FNIP1: variants seen among roughly 807,000 people sequenced by gnomAD.
FNIP1 encodes folliculin interacting protein 1.
In FNIP1, 40 loss-of-function variants were observed where a neutral mutation model predicts 124.5. The observed-to-expected ratio is 0.32, with a 90% CI of 0.25 to 0.42. The LOEUF is 0.42. Ranked by LOEUF, FNIP1 falls within the 10% of genes least tolerant of loss-of-function variation. The probability of loss-of-function intolerance (pLI) is 1.00; values close to 1 mark genes in which losing one functional copy is unlikely to be tolerated. For synonymous variants in FNIP1, 472 were observed against 470.6 expected, an observed-to-expected ratio of 1.00 and a Z score of -0.04; for missense variants, 1,176 against 1,403.7, an observed-to-expected ratio of 0.84 and a Z score of 2.59.
intron 11 of FNIP1, among the ~76,000 whole-genome samples, chr5:131,692,579 A>C (rs1441600750): frequency 1.3e-5 from 2 of 152,224 alleles, no homozygotes; most frequent in Non-Finnish European, 2.9e-5. Context: ...GAAACAAAAA[A>C]GACCCAGAAT....
chr5:131,785,176 A>ATATATATGATATATATGACTATATATATG (rs1554100753), intron 1 of FNIP1, among the ~76,000 whole-genome samples: 6 of 86,750 alleles, frequency 6.9e-5, no homozygotes, highest in African/African-American at 1.4e-4. Flanking sequence ...CTATATATAT[A>ATATATATGATATATATGACTATATATATG]TCATATATAT....
At chr5:131,760,586 GA>G (rs1446631289) in intron 1 of FNIP1, among the ~76,000 whole-genome samples, 1 of 152,036 alleles carries the variant, frequency 6.6e-6, no homozygotes, top group Non-Finnish European at 1.5e-5. Context: ...CAAACATGAA[GA>G]TTTTTTTAGT....
intron 3 of FNIP1, among the ~76,000 whole-genome samples, chr5:131,722,781 G>A (rs972619917): frequency 6.6e-6 from 1 of 152,188 alleles, no homozygotes; most frequent in African/African-American, 2.4e-5. Flanking sequence ...CGCCTCCTGG[G>A]TTCAAGCAAT....
intron 15 of FNIP1, among the ~76,000 whole-genome samples, chr5:131,657,747 A>C (rs940660821): frequency 1.3e-5 from 2 of 150,762 alleles, no homozygotes; most frequent in Admixed American, 6.6e-5. Flanking sequence ...AAAAAAAAAA[A>C]AAAAAAAAAA....
At chr5:131,774,335 C>G (rs2149579554) in intron 1 of FNIP1, among the ~76,000 whole-genome samples, 1 of 152,268 alleles carries the variant, frequency 6.6e-6, no homozygotes, top group South Asian at 2.1e-4. Flanking sequence ...GCCTCCTTTG[C>G]ATTTTTAAAA....
intron 7 of FNIP1, 77 bp from the exon 8 acceptor site, chr5:131,709,349 A>G: frequency 8.0e-7 from 1 of 1,243,000 alleles, no homozygotes; most frequent in Non-Finnish European, 1.2e-6. Flanking sequence ...TTAAATAGCA[A>G]ACGAAATCAT....
At position 131,654,142 on chromosome 5, in the gene FNIP1, G is replaced by A. The variant is rs191916468; in HGVS notation, c.3109-2143C>T. The stretch of plus-strand genomic sequence containing the variant: ...CTCATATATACATAGTCATGAAAGA[G>A]CCACAAGGCATATGGCTATGTCCTT... On this transcript the variant is annotated intron_variant, in intron 15 of 17. Coordinates refer to ENST00000510461, the MANE Select transcript of FNIP1 (RefSeq NM_133372.3). Among the ~76,000 whole-genome samples, 315 of 152,358 alleles carry A rather than the reference G, an allele frequency of 2.1e-3. 1 individual carries two copies. The highest frequency in any genetic ancestry group is 7.2e-3 in the African/African-American group (299 of 41,576).
intron 2 of FNIP1, among the ~76,000 whole-genome samples, chr5:131,738,427 T>C (rs553326556): frequency 6.6e-6 from 1 of 152,130 alleles, no homozygotes; most frequent in Non-Finnish European, 1.5e-5. Context: ...ATCATGCAAG[T>C]TGAAAAAAAA....
chr5:131,744,568 A>T lies in FNIP1; in HGVS notation c.215T>A (p.Val72Glu). The change falls in exon 2 of 18, where the codon GTA (valine) becomes GAA (glutamate). Residue 72 changes from valine (V) to glutamate (E), a missense_variant. By Grantham distance (121) the Val-to-Glu change is moderately radical (BLOSUM62 -2). This residue lies in a region of FNIP1 where 1,109 missense variants were observed against 1,288.5 expected (regional missense o/e 0.86). Transcript: ENST00000510461. ...SVKRRNEDISVSKLGSDAQVK... is the reference protein window; with the variant it reads ...SVKRRNEDISESKLGSDAQVK... ...CAAATCAATAATGATGCTCACCGAT[A>T]CTGATATGTCCTCATTTCTTCTCTT... The T allele has an allele frequency of 1.3e-6, 2 of 1,591,400 alleles. No homozygotes were observed. The highest frequency in any genetic ancestry group is 1.7e-6 in the Non-Finnish European group (2 of 1,168,570).
At chr5:131,729,892 T>C (rs1347193163) in intron 3 of FNIP1, among the ~76,000 whole-genome samples, 1 of 152,076 alleles carries the variant, frequency 6.6e-6, no homozygotes, top group Non-Finnish European at 1.5e-5. Context: ...ATTACAGGCA[T>C]GTGCCACCAT....
chr5:131,755,585 A>G (rs1310546564), intron 1 of FNIP1, among the ~76,000 whole-genome samples: 1 of 152,192 alleles, frequency 6.6e-6, no homozygotes, highest in Non-Finnish European at 1.5e-5. Context: ...AAGAACTAAT[A>G]AACTAGAATT....
chr5:131,738,962 C>A (rs751706529), intron 2 of FNIP1, among the ~76,000 whole-genome samples: 12 of 151,930 alleles, frequency 7.9e-5, no homozygotes, highest in Non-Finnish European at 1.6e-4. Flanking sequence ...ACTACAGACA[C>A]TCAGCACCAC....
Position 131,711,862 on chromosome 5 carries a change from C to A in FNIP1, c.623-1201G>T, listed in dbSNP as rs748153519. ...AGCAAGAACTTCTATAATTACAGCA[C>A]ATGTACAGCAATCCTTCCATGTCTC... On this transcript the variant is annotated intron_variant, in intron 6 of 17. Coordinates refer to ENST00000510461, the MANE Select transcript of FNIP1 (RefSeq NM_133372.3). Among the ~76,000 whole-genome samples the A allele has an allele frequency of 7.2e-5, 11 of 152,336 alleles. No individual in the cohort carries two copies. The Middle Eastern group carries it at 0.024, about 330-fold the overall frequency.
chr5:131,764,721 C>T (rs573302173), intron 1 of FNIP1, among the ~76,000 whole-genome samples: 2 of 152,142 alleles, frequency 1.3e-5, no homozygotes, highest in South Asian at 2.1e-4. Flanking sequence ...CATTTGAGAA[C>T]CAGAACTACA....
chr5:131,655,558 G>A (rs1004013788), intron 15 of FNIP1, among the ~76,000 whole-genome samples: 8 of 152,196 alleles, frequency 5.3e-5, no homozygotes, highest in South Asian at 2.1e-4. Flanking sequence ...TACTATAATA[G>A]TTTTGTAGCT....
rs1338400161 is a variant in FNIP1, at chr5:131,641,880, G to C, written c.*2805C>G. 1 of 152,682 alleles carries C rather than the reference G, an allele frequency of 6.5e-6. No homozygotes were observed. The highest frequency in any genetic ancestry group is 1.5e-5 in the Non-Finnish European group (1 of 68,012). 9.5% of individuals were successfully genotyped at this position (152,682 alleles called of 1,614,324 possible). On this transcript the variant is annotated 3_prime_UTR_variant, in exon 18 of 18. Transcript: ENST00000510461. ...GAACAATCTCATAAGACATCTACCAGAAGTAGGCATTATGTAAAATCTGTT... is the reference window on the plus strand; with the variant it reads ...GAACAATCTCATAAGACATCTACCACAAGTAGGCATTATGTAAAATCTGTT...
chr5:131,731,093 AT>A, intron 2 of FNIP1, 55 bp from the exon 3 acceptor site: 1 of 1,520,126 alleles, frequency 6.6e-7, no homozygotes, highest in Non-Finnish European at 8.9e-7. Context: ...CCATATACAA[AT>A]TTCATCAAAG....
At position 131,747,566 on chromosome 5, in the gene FNIP1, G is replaced by A. The variant is rs549024172; in HGVS notation, c.93-2876C>T. On this transcript the variant is annotated intron_variant, in intron 1 of 17. Coordinates refer to ENST00000510461, the MANE Select transcript of FNIP1 (RefSeq NM_133372.3). ...ATGAAAATAGGGAAAGGGGTCTCAC[G>A]GAAACCAGTGAAAAAGAACATTTTA... Among the ~76,000 whole-genome samples, 51 of 152,202 alleles carry A rather than the reference G, an allele frequency of 3.4e-4. 2 individuals are homozygous for A. The South Asian group carries it at 9.5e-3, about 28-fold the overall frequency.
chr5:131,644,249 TAATC>T lies in FNIP1; in HGVS notation c.*432_*435del, dbSNP rs1020482399. On this transcript the variant is annotated 3_prime_UTR_variant, in exon 18 of 18. Coordinates refer to ENST00000510461, the MANE Select transcript of FNIP1 (RefSeq NM_133372.3). Reference sequence around the variant, plus strand: ...TGTTTTGAATTGCAAAACTAACAAATAATCAAGGTTTTATAGATCTCTGTACCTT... The same window carrying T: ...TGTTTTGAATTGCAAAACTAACAAATAAGGTTTTATAGATCTCTGTACCTT... 3 of 152,682 alleles carry T rather than the reference TAATC, an allele frequency of 2.0e-5. No individual in the cohort carries two copies. Among genetic ancestry groups the T allele is most frequent in the Non-Finnish European group, 4.4e-5 (3 of 68,314 alleles). 9.5% of individuals were successfully genotyped at this position (152,682 alleles called of 1,614,324 possible).
Sources: gnomAD v4.1 joint callset for allele counts (sites outside exome capture counted in the v4.1 genomes callset) on GRCh38, gnomAD v4.1.1 for gene constraint, gnomAD v4.1.1 regional missense constraint, MANE v1.5 for transcripts, NCBI Gene and HGNC (gene_info 2026-07-23, HGNC 2026-07-21) for gene names.